OSBPL5: variants seen among roughly 807,000 people sequenced by gnomAD.
The protein encoded by OSBPL5 is oxysterol binding protein like 5.
Under a neutral mutation model 111.2 loss-of-function variants are expected in OSBPL5, and 71 were observed. The observed-to-expected ratio is 0.64, with a 90% CI of 0.53 to 0.78. The LOEUF (loss-of-function observed/expected upper bound fraction) is 0.78. OSBPL5 is among the 30% of genes least tolerant of loss of function. The probability of loss-of-function intolerance (pLI) is 0.00; values close to 1 mark genes in which losing one functional copy is unlikely to be tolerated. For missense variants in OSBPL5, 1,210 were observed against 1,189.3 expected, an observed-to-expected ratio of 1.02 and a Z score of -0.26; for synonymous variants, 549 against 513.9, an observed-to-expected ratio of 1.07 and a Z score of -0.93.
intron 7 of OSBPL5, among the ~76,000 whole-genome samples, chr11:3,117,132 A>G (rs1480796493): frequency 6.6e-6 from 1 of 152,230 alleles, no homozygotes; most frequent in Non-Finnish European, 1.5e-5. Context: ...GTAACAGGAC[A>G]CAATCGGAGA....
At position 3,141,837 on chromosome 11, in the gene OSBPL5, A is replaced by G. The variant is rs1846129998; in HGVS notation, c.-21-12668T>C. On this transcript the variant is annotated intron_variant, in intron 1 of 21. Coordinates refer to ENST00000263650, the MANE Select transcript of OSBPL5 (RefSeq NM_020896.4). This position sits in a 1 kb window ranked among gnomAD's most constrained non-coding sequence, Gnocchi z 6.5. ...GGACTGGGAGGACTCTACGCCCTGG[A>G]AGGAAAAAAGACTGCAAGAGTACAA... Among the ~76,000 whole-genome samples the G allele has an allele frequency of 7.0e-6, 1 of 143,068 alleles. No homozygotes were observed. Among genetic ancestry groups the G allele is most frequent in the Non-Finnish European group, 1.5e-5 (1 of 65,742 alleles). The allele number at this position is 143,068 out of a possible 152,430, so 93.9% of individuals were successfully genotyped here.
Position 3,092,356 on chromosome 11 carries a change from A to C in OSBPL5, c.2259+76T>G, listed in dbSNP as rs1204805195. The stretch of plus-strand genomic sequence containing the variant: ...ACGGAGCGAGGGGAAGGGAGGAGTG[A>C]GGTGAGGAGCGAGGGGTGGTGGTGG... On this transcript the variant is annotated intron_variant, in intron 19 of 21. Transcript: ENST00000263650. This position sits in a 1 kb window ranked among gnomAD's most constrained non-coding sequence, Gnocchi z 5.4. 6.8e-7 allele frequency: 1 copy of C among 1,462,890 alleles called. No homozygotes were observed. The highest frequency in any genetic ancestry group is 2.3e-4 in the Middle Eastern group (1 of 4,368). The allele number at this position is 1,462,890 out of a possible 1,614,324, so 90.6% of individuals were successfully genotyped here.
intron 7 of OSBPL5, among the ~76,000 whole-genome samples, chr11:3,119,225 G>C (rs1040993667): frequency 1.4e-4 from 21 of 151,632 alleles, no homozygotes; most frequent in African/African-American, 4.6e-4. Context: ...TGGCCAGGCT[G>C]GTCCTGAACT....
intron 21 of OSBPL5, among the ~76,000 whole-genome samples, chr11:3,088,877 G>A (rs1045675822): frequency 2.6e-5 from 4 of 152,168 alleles, no homozygotes; most frequent in Admixed American, 2.0e-4. Flanking sequence ...CTGTGGCACC[G>A]AGATCTTGGA....
rs71035488 is a variant in OSBPL5 at position 3,124,811 on chromosome 11, AATGG to A, written c.219+1658_219+1661del. On this transcript the variant is annotated intron_variant, in intron 3 of 21. Coordinates refer to ENST00000263650, the MANE Select transcript of OSBPL5 (RefSeq NM_020896.4). The stretch of plus-strand genomic sequence containing the variant: ...AGCATCTCGAATGAATGAATGGATG[AATGG>A]ATGGATGGATGGATGGATGGATGGA... Among the ~76,000 whole-genome samples, 978 of 150,776 alleles carry A rather than the reference AATGG, an allele frequency of 6.5e-3. 13 individuals carry two copies. The highest frequency in any genetic ancestry group is 0.023 in the African/African-American group (930 of 41,006).
chr11:3,101,312 G>A (rs1323909910), intron 13 of OSBPL5, among the ~76,000 whole-genome samples: 2 of 152,068 alleles, frequency 1.3e-5, no homozygotes, highest in Non-Finnish European at 2.9e-5. Flanking sequence ...AAATAGTCAT[G>A]CAGTGCTCTG....
At chr11:3,138,455 G>T (rs1846011543) in intron 1 of OSBPL5, among the ~76,000 whole-genome samples, 1 of 152,232 alleles carries the variant, frequency 6.6e-6, no homozygotes, top group African/African-American at 2.4e-5. Flanking sequence ...GGGAGTGGGG[G>T]CCGTCACTTG....
At position 3,142,629 on chromosome 11, in the gene OSBPL5, T is replaced by C. The variant is rs1173189492; in HGVS notation, c.-21-13460A>G. On this transcript the variant is annotated intron_variant, in intron 1 of 21. Coordinates refer to ENST00000263650, the MANE Select transcript of OSBPL5 (RefSeq NM_020896.4). This position sits in a 1 kb window ranked among gnomAD's most constrained non-coding sequence, Gnocchi z 7.1. ...TCTCGCGGGTGGAGAGCCTGGGTGG[T>C]GCGTTTATCAACAGGACCGCTGGTT... Among the ~76,000 whole-genome samples the C allele has an allele frequency of 6.6e-6, 1 of 151,934 alleles. No individual in the cohort carries two copies. The highest frequency in any genetic ancestry group is 1.5e-5 in the Non-Finnish European group (1 of 67,974).
chr11:3,120,723 G>C, intron 5 of OSBPL5, 99 bp from the exon 6 acceptor site: 1 of 1,345,302 alleles, frequency 7.4e-7, no homozygotes, highest in South Asian at 1.3e-5. Context: ...ACCAGGGTGG[G>C]CTGCCGAGGG....
At chr11:3,103,450 G>C (rs945686143) in intron 10 of OSBPL5, 130 bp from the exon 11 acceptor site, 9 of 738,244 alleles carry the variant, frequency 1.2e-5, no homozygotes, top group African/African-American at 1.8e-5. Flanking sequence ...TGGCCCAGGC[G>C]CTCTGGTCAC....
rs752982529 is a variant in OSBPL5, at chr11:3,126,520, T to G, written c.172A>C (p.Arg58=). 7.5e-6 allele frequency: 12 copies of G among 1,610,026 alleles called. No homozygotes were observed. The East Asian group carries it at 2.5e-4, about 33-fold the overall frequency. Residue 58 remains arginine, a synonymous_variant, in exon 3 of 22, where the codon AGG becomes CGG. Coordinates refer to ENST00000263650, the MANE Select transcript of OSBPL5 (RefSeq NM_020896.4). The surrounding 1 kb of genome is among the most constrained non-coding windows in gnomAD (Gnocchi z 6.5). ...DMEPNGPSLP[R]DEGPPTPSSA... ...CTTGGGGTCGGGGGCCCTTCATCCC[T>G]GGGCAGCGACGGGCCGTTGGGCTCC...
intron 1 of OSBPL5, among the ~76,000 whole-genome samples, chr11:3,163,546 C>T (rs916562404): frequency 6.6e-5 from 10 of 152,056 alleles, no homozygotes; most frequent in African/African-American, 9.7e-5. Flanking sequence ...GGCGGTCTTG[C>T]GTTGGTATTC....
chr11:3,093,747 C>A lies in OSBPL5; in HGVS notation c.1808G>T (p.Trp603Leu). The A allele has an allele frequency of 6.2e-7, 1 of 1,613,140 alleles. No individual in the cohort carries two copies. The highest frequency in any genetic ancestry group is 1.1e-5 in the South Asian group (1 of 91,090). ...EEVLASLSGH[W>L]DRDVFIKEEG... The stretch of plus-strand genomic sequence containing the variant: ...CTGCCCTGAGGGACGGCCCCTTACC[C>A]AGTGGCCACTGAGGCTCGCCAGGAC... The change falls in exon 16 of 22, where the codon TGG becomes TTG. Residue 603 changes from tryptophan to leucine, a missense_variant and splice_region_variant. Transcript: ENST00000263650.
chr11:3,094,693 C>A lies in OSBPL5; in HGVS notation c.1622-359G>T, dbSNP rs1857195368. The A allele has an allele frequency of 2.5e-5, 6 of 241,670 alleles. 1 individual carries two copies. In the South Asian group the frequency reaches 3.7e-4, roughly 15 times the overall value. The allele number at this position is 241,670 out of a possible 1,614,324, so 15.0% of individuals were successfully genotyped here. On this transcript the variant is annotated intron_variant, in intron 14 of 21. Transcript: ENST00000263650. Reference sequence around the variant, plus strand: ...CTGTTCCAGCCTCCTGGGAGGCCACCAGCCCTGTGAGACATGCATCGTGCT... The same window carrying A: ...CTGTTCCAGCCTCCTGGGAGGCCACAAGCCCTGTGAGACATGCATCGTGCT...
chr11:3,152,643 C>T (rs75804505), intron 1 of OSBPL5, among the ~76,000 whole-genome samples: 2 of 152,204 alleles, frequency 1.3e-5, no homozygotes, highest in Non-Finnish European at 2.9e-5. Context: ...CGCAGCGCCC[C>T]TAAGCCTGGC....
rs774192603 is a variant in OSBPL5, at chr11:3,114,591, A to ACTTTTTTTTTTTTTTT, written c.691+4955_691+4956insAAAAAAAAAAAAAAAG. Among the ~76,000 whole-genome samples, 7 of 113,900 alleles carry ACTTTTTTTTTTTTTTT rather than the reference A, an allele frequency of 6.1e-5. 1 individual carries two copies. The highest frequency in any genetic ancestry group is 1.1e-4 in the African/African-American group (3 of 28,388). The allele number at this position is 113,900 out of a possible 152,430, so 74.7% of individuals were successfully genotyped here. ...GACTAAAGAATTGGTTAGAACAATGATTTTTTTTTTTTTTTTTTTTTTTTT... is the reference window on the plus strand; with the variant it reads ...GACTAAAGAATTGGTTAGAACAATGACTTTTTTTTTTTTTTTTTTTTTTTTTTTTTTTTTTTTTTTT... On this transcript the variant is annotated intron_variant, in intron 7 of 21. Transcript: ENST00000263650.
intron 2 of OSBPL5, among the ~76,000 whole-genome samples, chr11:3,128,214 C>G (rs574693443): frequency 3.3e-5 from 5 of 152,336 alleles, no homozygotes; most frequent in African/African-American, 1.2e-4. Context: ...CAATGCTCTC[C>G]CACTCCCCCC....
intron 1 of OSBPL5, among the ~76,000 whole-genome samples, chr11:3,132,389 T>A (rs941753146): frequency 6.6e-6 from 1 of 152,108 alleles, no homozygotes; most frequent in Non-Finnish European, 1.5e-5. Flanking sequence ...CCCCATCCCT[T>A]GGACTTCCTG....
Position 3,113,394 on chromosome 11 carries a change from T to C in OSBPL5, c.692-5449A>G, listed in dbSNP as rs1250826349. Among the ~76,000 whole-genome samples the C allele has an allele frequency of 2.6e-5, 4 of 152,148 alleles. No individual in the cohort carries two copies. The highest frequency in any genetic ancestry group is 5.9e-5 in the Non-Finnish European group (4 of 68,038). ...TCTTTGCTTGTGTAATCTTTAATAATGCCTGTAATCTCAGCACTTTGGGAG... is the reference window on the plus strand; with the variant it reads ...TCTTTGCTTGTGTAATCTTTAATAACGCCTGTAATCTCAGCACTTTGGGAG... On this transcript the variant is annotated intron_variant, in intron 7 of 21. Coordinates refer to ENST00000263650, the MANE Select transcript of OSBPL5 (RefSeq NM_020896.4). This position sits in a 1 kb window ranked among gnomAD's most constrained non-coding sequence, Gnocchi z 4.8.
Sources: gnomAD v4.1 joint callset for allele counts (sites outside exome capture counted in the v4.1 genomes callset) on GRCh38, gnomAD v4.1.1 for gene constraint, Gnocchi (gnomAD v3.1) non-coding constraint, MANE v1.5 for transcripts, NCBI Gene and HGNC (gene_info 2026-07-23, HGNC 2026-07-21) for gene names.